ATXN1: variants seen among roughly 807,000 people sequenced by gnomAD.
ATXN1 encodes ataxin 1, also known as ataxin-1.
Under a neutral mutation model 56.4 loss-of-function variants are expected in ATXN1, and 8 were observed. The observed-to-expected ratio is 0.14, with a 90% CI of 0.08 to 0.26. ATXN1 has a LOEUF of 0.26. Ranked by LOEUF, ATXN1 falls within the 10% of genes least tolerant of loss-of-function variation. ATXN1 has a pLI of 1.00. For missense variants in ATXN1, 987 were observed against 1,106.5 expected, an observed-to-expected ratio of 0.89 and a Z score of 1.53; for synonymous variants, 514 against 494.6, an observed-to-expected ratio of 1.04 and a Z score of -0.52.
chr6:16,702,926 T>C (rs944414698), intron 2 of ATXN1, among the ~76,000 whole-genome samples: 4 of 152,180 alleles, frequency 2.6e-5, no homozygotes, highest in African/African-American at 7.2e-5. Flanking sequence ...AGTGTGGCGA[T>C]TCCTCAGGGA....
chr6:16,550,105 T>G (rs986329374), intron 4 of ATXN1, among the ~76,000 whole-genome samples: 6 of 145,450 alleles, frequency 4.1e-5, no homozygotes, highest in African/African-American at 1.5e-4. Context: ...CAGACCTGCA[T>G]GTTCTACATA....
At chr6:16,639,045 G>A (rs983505402) in intron 3 of ATXN1, among the ~76,000 whole-genome samples, 10 of 152,174 alleles carry the variant, frequency 6.6e-5, no homozygotes, top group Middle Eastern at 3.2e-3. Flanking sequence ...ACCAATCAGC[G>A]CTCTGTAGCT....
chr6:16,682,203 CT>C lies in ATXN1; in HGVS notation c.-614-24303del, dbSNP rs10528588. Among the ~76,000 whole-genome samples the C allele has an allele frequency of 5.0e-4, 59 of 116,942 alleles. 3 individuals are homozygous for C. In the East Asian group the frequency reaches 8.7e-3, roughly 17 times the overall value. 76.7% of individuals were successfully genotyped at this position (116,942 alleles called of 152,430 possible). On this transcript the variant is annotated intron_variant, in intron 2 of 7. Coordinates refer to ENST00000436367, the MANE Select transcript of ATXN1 (RefSeq NM_001128164.2). ...ATTCAGTAGAGGCCACTGGGGAGAACTTTTTTTTTTTGAGATGGAGTCTCAC... is the reference window on the plus strand; with the variant it reads ...ATTCAGTAGAGGCCACTGGGGAGAACTTTTTTTTTTGAGATGGAGTCTCAC...
intron 2 of ATXN1, among the ~76,000 whole-genome samples, chr6:16,671,440 A>G (rs1269529198): frequency 6.6e-6 from 1 of 152,046 alleles, no homozygotes; most frequent in Middle Eastern, 3.2e-3. Context: ...GGGCCTCAGG[A>G]GCTAGGCAGA....
At chr6:16,548,520 TA>T (rs1761856335) in intron 4 of ATXN1, among the ~76,000 whole-genome samples, 1 of 152,254 alleles carries the variant, frequency 6.6e-6, no homozygotes, top group Non-Finnish European at 1.5e-5. Flanking sequence ...ATACTTAGCT[TA>T]AAACATCATC....
chr6:16,542,875 T>C (rs909540232), intron 4 of ATXN1, among the ~76,000 whole-genome samples: 6 of 152,306 alleles, frequency 3.9e-5, no homozygotes, highest in Middle Eastern at 3.4e-3. Context: ...CATAACATTA[T>C]ACTGTACTAA....
intron 6 of ATXN1, among the ~76,000 whole-genome samples, chr6:16,432,022 G>A (rs1383497695): frequency 6.6e-6 from 1 of 152,122 alleles, no homozygotes; most frequent in African/African-American, 2.4e-5. Flanking sequence ...GAGAGTGATG[G>A]AAATGGTGGA....
intron 6 of ATXN1, among the ~76,000 whole-genome samples, chr6:16,474,557 C>T (rs1760287458): frequency 6.6e-6 from 1 of 152,188 alleles, no homozygotes; most frequent in East Asian, 1.9e-4. Context: ...GTGGTCTTGG[C>T]CCTTAACTGT....
intron 6 of ATXN1, among the ~76,000 whole-genome samples, chr6:16,340,017 G>A (rs562089614): frequency 8.5e-5 from 13 of 152,254 alleles, no homozygotes; most frequent in East Asian, 5.8e-4. Context: ...TCTTGACTTC[G>A]CGGTCTGCCC....
rs557658018 is a variant in ATXN1, at chr6:16,532,679, A to T, written c.-360-9991T>A. On this transcript the variant is annotated intron_variant, in intron 4 of 7. Coordinates refer to ENST00000436367, the MANE Select transcript of ATXN1 (RefSeq NM_001128164.2). ...ACCACAATGACATACCATTTCACTC[A>T]CATTAAGATGGCTCTGATTAACAAC... Among the ~76,000 whole-genome samples, 3 of 152,280 alleles carry T rather than the reference A, an allele frequency of 2.0e-5. 1 individual carries two copies. In the South Asian group the frequency reaches 6.2e-4, roughly 32 times the overall value.
At chr6:16,518,523 A>G (rs1761228525) in intron 5 of ATXN1, among the ~76,000 whole-genome samples, 1 of 152,112 alleles carries the variant, frequency 6.6e-6, no homozygotes, top group Non-Finnish European at 1.5e-5. Flanking sequence ...CATTGCCCTC[A>G]GTCACATAGT....
At chr6:16,484,050 G>T (rs536829641) in intron 6 of ATXN1, among the ~76,000 whole-genome samples, 36 of 151,870 alleles carry the variant, frequency 2.4e-4, no homozygotes, top group Non-Finnish European at 4.0e-4. Flanking sequence ...TTACAATAAG[G>T]TTTTTTTTAA....
At chr6:16,681,687 A>G (rs1459521163) in intron 2 of ATXN1, among the ~76,000 whole-genome samples, 3 of 152,190 alleles carry the variant, frequency 2.0e-5, no homozygotes, top group Non-Finnish European at 4.4e-5. Flanking sequence ...TGAACTGTTT[A>G]TATATTTTTC....
intron 2 of ATXN1, among the ~76,000 whole-genome samples, chr6:16,744,008 C>G (rs927357863): frequency 2.0e-5 from 3 of 152,170 alleles, no homozygotes. Context: ...TTAAGAAAAA[C>G]AGAGATGTCA....
intron 6 of ATXN1, among the ~76,000 whole-genome samples, chr6:16,374,068 T>C (rs1762098769): frequency 6.8e-6 from 1 of 146,170 alleles, no homozygotes; most frequent in South Asian, 2.1e-4. Flanking sequence ...AAAAATGTAG[T>C]AATCACTCAA....
chr6:16,364,157 C>A (rs1306042275), intron 6 of ATXN1, among the ~76,000 whole-genome samples: 1 of 152,156 alleles, frequency 6.6e-6, no homozygotes, highest in Non-Finnish European at 1.5e-5. Flanking sequence ...TTTCATTACA[C>A]TAAACCATGG....
intron 2 of ATXN1, among the ~76,000 whole-genome samples, chr6:16,696,994 G>C (rs1051057722): frequency 6.6e-6 from 1 of 152,164 alleles, no homozygotes; most frequent in Non-Finnish European, 1.5e-5. Context: ...TTAAGGAAGC[G>C]TTGGCGAGGC....
intron 3 of ATXN1, among the ~76,000 whole-genome samples, chr6:16,600,231 TTAA>T (rs1762889331): frequency 6.6e-6 from 1 of 152,208 alleles, no homozygotes; most frequent in Non-Finnish European, 1.5e-5. Flanking sequence ...TGGCACAATT[TTAA>T]TACTATCTAA....
intron 6 of ATXN1, among the ~76,000 whole-genome samples, chr6:16,395,567 C>A (rs1185066081): frequency 6.6e-6 from 1 of 152,152 alleles, no homozygotes; most frequent in Non-Finnish European, 1.5e-5. Context: ...TATATATAAA[C>A]GTCCTGCAGT....
Sources: allele counts gnomAD v4.1 joint callset (sites outside exome capture counted in the v4.1 genomes callset), GRCh38; gene constraint gnomAD v4.1.1; transcripts MANE v1.5; gene names NCBI Gene and HGNC (gene_info 2026-07-23, HGNC 2026-07-21).